NRXN1: variants seen among roughly 807,000 people sequenced by gnomAD.
The protein encoded by NRXN1 is neurexin 1.
Under a neutral mutation model 150.9 loss-of-function variants are expected in NRXN1, and 39 were observed. That is an observed-to-expected ratio of 0.26 (90% CI 0.20 to 0.34). NRXN1 has a LOEUF of 0.34. Among genes scored for constraint, NRXN1 ranks in the 10% least tolerant of loss-of-function variants. NRXN1 has a pLI of 1.00. For missense variants in NRXN1, 1,815 were observed against 1,949.9 expected (o/e 0.93, Z 1.30); for synonymous variants, 924 against 757.0 (o/e 1.22, Z -3.62).
chr2:50,896,380 C>T (rs1298214378), intron 5 of NRXN1, among the ~76,000 whole-genome samples: 6 of 152,122 alleles, frequency 3.9e-5, no homozygotes, highest in Admixed American at 1.3e-4. Flanking sequence ...AAGATTCCTG[C>T]CCTTGTGGGG....
At chr2:50,157,730 G>A (rs1216154084) in intron 18 of NRXN1, among the ~76,000 whole-genome samples, 1 of 151,984 alleles carries the variant, frequency 6.6e-6, no homozygotes, top group Non-Finnish European at 1.5e-5. Flanking sequence ...TGCAAATAAA[G>A]TCCACCAGCG....
At chr2:50,187,265 C>G (rs1399724565) in intron 18 of NRXN1, among the ~76,000 whole-genome samples, 5 of 152,004 alleles carry the variant, frequency 3.3e-5, no homozygotes, top group Non-Finnish European at 7.4e-5. Flanking sequence ...TGTTCACATA[C>G]TCAAGTTGGA....
intron 18 of NRXN1, among the ~76,000 whole-genome samples, chr2:50,125,821 A>G (rs1242533477): frequency 6.6e-6 from 1 of 152,118 alleles, no homozygotes; most frequent in Non-Finnish European, 1.5e-5. Flanking sequence ...GGGTAATATG[A>G]GAGAACCTGC....
chr2:50,759,386 T>C (rs546656153), intron 5 of NRXN1, among the ~76,000 whole-genome samples: 9 of 151,988 alleles, frequency 5.9e-5, no homozygotes, highest in African/African-American at 1.9e-4. Context: ...TCTTTTTATC[T>C]TGGGCTTCTA....
intron 17 of NRXN1, among the ~76,000 whole-genome samples, chr2:50,264,976 T>C (rs748371310): frequency 1.1e-4 from 17 of 152,150 alleles, no homozygotes; most frequent in Non-Finnish European, 2.1e-4. Context: ...AATAGGAGTT[T>C]AAAATAATTG....
intron 5 of NRXN1, among the ~76,000 whole-genome samples, chr2:50,724,749 A>C (rs889025893): frequency 2.0e-5 from 3 of 152,168 alleles, no homozygotes; most frequent in Non-Finnish European, 4.4e-5. Flanking sequence ...ATTAAGAAAA[A>C]AAGAATACAT....
chr2:50,223,958 T>C (rs1035630522), intron 18 of NRXN1, among the ~76,000 whole-genome samples: 19 of 151,922 alleles, frequency 1.3e-4, no homozygotes, highest in African/African-American at 4.6e-4. Context: ...TTAGTTTAGT[T>C]CTACATTTAG....
At chr2:50,276,597 T>C (rs1025176100) in intron 17 of NRXN1, among the ~76,000 whole-genome samples, 6 of 152,202 alleles carry the variant, frequency 3.9e-5, no homozygotes, top group South Asian at 4.1e-4. Flanking sequence ...AGACCTCAGC[T>C]ACATGATAGT....
chr2:50,113,226 C>T (rs1702604802), intron 18 of NRXN1, among the ~76,000 whole-genome samples: 1 of 152,168 alleles, frequency 6.6e-6, no homozygotes, highest in African/African-American at 2.4e-5. Flanking sequence ...ACTACCTTTC[C>T]CGCAGCCATC....
chr2:50,745,217 A>G (rs1475496411), intron 5 of NRXN1, among the ~76,000 whole-genome samples: 1 of 152,150 alleles, frequency 6.6e-6, no homozygotes, highest in African/African-American at 2.4e-5. Flanking sequence ...CTATAGCTAG[A>G]ATTAAATAAG....
chr2:51,019,121 C>A (rs1427274415), intron 2 of NRXN1, among the ~76,000 whole-genome samples: 1 of 152,012 alleles, frequency 6.6e-6, no homozygotes, highest in East Asian at 1.9e-4. Context: ...ACAAACAGCC[C>A]AGCATCCCTT....
chr2:50,523,779 G>C (rs1204378420), intron 12 of NRXN1, among the ~76,000 whole-genome samples: 1 of 152,186 alleles, frequency 6.6e-6, no homozygotes, highest in Non-Finnish European at 1.5e-5. Flanking sequence ...TCAAGTACTT[G>C]TCCTTAGATG....
intron 17 of NRXN1, among the ~76,000 whole-genome samples, chr2:50,442,763 G>A (rs897570968): frequency 1.3e-5 from 2 of 152,116 alleles, no homozygotes; most frequent in African/African-American, 4.8e-5. Context: ...ATCATGTCCT[G>A]TGAAACATCA....
chr2:49,998,032 A>T (rs1683276184), intron 21 of NRXN1, among the ~76,000 whole-genome samples: 1 of 152,210 alleles, frequency 6.6e-6, no homozygotes, highest in South Asian at 2.1e-4. Flanking sequence ...GCAGAGTGGG[A>T]TGACCTTTCC....
At chr2:50,788,891 C>G (rs531618480) in intron 5 of NRXN1, among the ~76,000 whole-genome samples, 1 of 152,106 alleles carries the variant, frequency 6.6e-6, no homozygotes, top group Non-Finnish European at 1.5e-5. Flanking sequence ...ATTGAGTGAT[C>G]ATGGAAGGTT....
At chr2:50,658,411 G>GGTGTGTGTGTGTGTGTGTGTGT (rs58970263) in intron 5 of NRXN1, among the ~76,000 whole-genome samples, 6,009 of 144,636 alleles carry the variant, frequency 0.042, 180 homozygotes, top group African/African-American at 0.065. Flanking sequence ...TGCATTCACT[G>GGTGTGTGTGTGTGTGTGTGTGT]GTGTGTGTGT....
chr2:50,471,977 C>A lies in NRXN1; in HGVS notation c.3244+321G>T, dbSNP rs116091915. Among the ~76,000 whole-genome samples the A allele has an allele frequency of 9.7e-3, 1,475 of 151,566 alleles. 26 individuals carry two copies. Among genetic ancestry groups the A allele is most frequent in the African/African-American group, 0.033 (1,349 of 41,344 alleles). Reference sequence around the variant, plus strand: ...TTGTTTAATGCTATAAAGCAAGCATCGTAGAACTGATTAACAAACTAATCA... The same window carrying A: ...TTGTTTAATGCTATAAAGCAAGCATAGTAGAACTGATTAACAAACTAATCA... On this transcript the variant is annotated intron_variant, in intron 16 of 22. Coordinates refer to ENST00000401669, the MANE Select transcript of NRXN1 (RefSeq NM_001330078.2).
chr2:50,715,887 C>T (rs1213501090), intron 5 of NRXN1, among the ~76,000 whole-genome samples: 1 of 152,216 alleles, frequency 6.6e-6, no homozygotes, highest in South Asian at 2.1e-4. Flanking sequence ...CTTCTTTTTG[C>T]TGCCACTCAT....
chr2:50,862,748 G>A (rs1426553051), intron 5 of NRXN1, among the ~76,000 whole-genome samples: 2 of 151,980 alleles, frequency 1.3e-5, no homozygotes, highest in Non-Finnish European at 2.9e-5. Flanking sequence ...TCAATATTTT[G>A]TAGTAGACAT....
Sources: gnomAD v4.1 joint callset for allele counts (sites outside exome capture counted in the v4.1 genomes callset) on GRCh38, gnomAD v4.1.1 for gene constraint, MANE v1.5 for transcripts, NCBI Gene and HGNC (gene_info 2026-07-23, HGNC 2026-07-21) for gene names.